Variants in MTHFD1L observed in about 807,000 individuals in gnomAD.
The protein encoded by MTHFD1L is methylenetetrahydrofolate dehydrogenase (NADP+ dependent) 1 like.
Under a neutral mutation model 119.5 loss-of-function variants are expected in MTHFD1L, and 81 were observed. The observed-to-expected ratio is 0.68, with a 90% CI of 0.57 to 0.82. The LOEUF (loss-of-function observed/expected upper bound fraction) is 0.82, where lower values mean the gene tolerates loss of function less well. MTHFD1L is among the 40% of genes least tolerant of loss of function. MTHFD1L has a pLI of 0.00. For missense variants in MTHFD1L, 1,125 were observed against 1,253.4 expected, an observed-to-expected ratio of 0.90 and a Z score of 1.55; for synonymous variants, 430 against 475.2, an observed-to-expected ratio of 0.90 and a Z score of 1.24.
intron 26 of MTHFD1L, among the ~76,000 whole-genome samples, chr6:151,073,643 A>T (rs144307502): frequency 2.4e-4 from 37 of 152,188 alleles, no homozygotes; most frequent in African/African-American, 7.2e-4. Context: ...TATAACAAAG[A>T]TATAAATCAA....
At chr6:151,034,167 A>T (rs1785762204) in intron 24 of MTHFD1L, among the ~76,000 whole-genome samples, 1 of 137,462 alleles carries the variant, frequency 7.3e-6, no homozygotes, top group Non-Finnish European at 1.6e-5. Context: ...ATACTGTCTT[A>T]AAAAAAAAAA....
At position 150,865,875 on chromosome 6, in the gene MTHFD1L, C is replaced by A; in HGVS notation, c.53C>A (p.Pro18His). 1.7e-6 allele frequency: 2 copies of A among 1,204,314 alleles called. No individual in the cohort carries two copies. Among genetic ancestry groups the A allele is most frequent in the Non-Finnish European group, 2.1e-6 (2 of 973,058 alleles). The allele number at this position is 1,204,314 out of a possible 1,614,324, so 74.6% of individuals were successfully genotyped here. ...CGCCAGCTCCGCCGCCCGCCCCAGC[C>A]CCCGGGCCCTCCGCGCCGCCTCCGT... ...VLRQLRRPPQ[P>H]PGPPRRLRVP... Residue 18 changes from proline (P) to histidine (H), a missense_variant, in exon 1 of 28, where the codon CCC (proline) becomes CAC (histidine). By Grantham distance (77) the Pro-to-His change is moderately conservative. Coordinates refer to ENST00000367321, the MANE Select transcript of MTHFD1L (RefSeq NM_015440.5).
intron 26 of MTHFD1L, among the ~76,000 whole-genome samples, chr6:151,078,005 A>G (rs1454799622): frequency 7.7e-6 from 1 of 130,456 alleles, no homozygotes; most frequent in Non-Finnish European, 1.6e-5. Context: ...GTGAGCCAAG[A>G]TCGCGCCACT....
intron 7 of MTHFD1L, among the ~76,000 whole-genome samples, chr6:150,892,244 G>A (rs1175411045): frequency 6.6e-6 from 1 of 152,238 alleles, no homozygotes; most frequent in East Asian, 1.9e-4. Context: ...GCAATTGAAT[G>A]TTTTCGCAGC....
In MTHFD1L at chr6:150,942,260, C is replaced by CAAAT. The variant is rs1020159855; in HGVS notation, c.1441-2210_1441-2207dup. Among the ~76,000 whole-genome samples the CAAAT allele has an allele frequency of 2.0e-5, 3 of 151,870 alleles. No individual in the cohort carries two copies. The South Asian group carries it at 6.2e-4, about 31-fold the overall frequency. Reference sequence around the variant, plus strand: ...GGCAACAAGAGCGAGACTCCGTCTCCAAATAAATAAATAAATAAAAATAAA... The same window carrying CAAAT: ...GGCAACAAGAGCGAGACTCCGTCTCCAAATAAATAAATAAATAAATAAAAATAAA... On this transcript the variant is annotated intron_variant, in intron 13 of 27. Coordinates refer to ENST00000367321, the MANE Select transcript of MTHFD1L (RefSeq NM_015440.5).
chr6:151,004,321 T>C (rs1195088475), intron 20 of MTHFD1L, among the ~76,000 whole-genome samples: 1 of 152,116 alleles, frequency 6.6e-6, no homozygotes, highest in African/African-American at 2.4e-5. Flanking sequence ...TGAGACTCCA[T>C]CTCAAAACAA....
Position 150,941,376 on chromosome 6 carries a change from T to A in MTHFD1L, c.1440+2631T>A, listed in dbSNP as rs148835880. 4.3e-3 allele frequency among the ~76,000 whole-genome samples: 651 copies of A among 152,284 alleles called. 6 individuals are homozygous for A. Among genetic ancestry groups the A allele is most frequent in the African/African-American group, 0.015 (627 of 41,566 alleles). On this transcript the variant is annotated intron_variant, in intron 13 of 27. Coordinates refer to ENST00000367321, the MANE Select transcript of MTHFD1L (RefSeq NM_015440.5). ...TGTAGCCAAGAACCTGGATTTTATTTGAAGTGCCAAGGTCAGCCATTGAAG... is the reference window on the plus strand; with the variant it reads ...TGTAGCCAAGAACCTGGATTTTATTAGAAGTGCCAAGGTCAGCCATTGAAG...
At chr6:151,041,453 G>A (rs1182576375) in intron 26 of MTHFD1L, among the ~76,000 whole-genome samples, 1 of 152,160 alleles carries the variant, frequency 6.6e-6, no homozygotes, top group African/African-American at 2.4e-5. Flanking sequence ...CTAGCAAAAT[G>A]AATCACTCTT....
At chr6:150,934,140 G>T (rs1326173860) in intron 11 of MTHFD1L, among the ~76,000 whole-genome samples, 1 of 152,152 alleles carries the variant, frequency 6.6e-6, no homozygotes, top group Non-Finnish European at 1.5e-5. Flanking sequence ...TTGCCTCCCA[G>T]CTCTACTGCT....
intron 8 of MTHFD1L, chr6:150,912,556 G>A: frequency 3.1e-6 from 1 of 322,916 alleles, no homozygotes; most frequent in Non-Finnish European, 6.7e-6. Flanking sequence ...TGCAGTGATT[G>A]TTCTGGCAAA....
At chr6:150,973,020 AAC>A (rs1232936901) in intron 20 of MTHFD1L, among the ~76,000 whole-genome samples, 1 of 152,204 alleles carries the variant, frequency 6.6e-6, no homozygotes, top group Non-Finnish European at 1.5e-5. Flanking sequence ...ACAAAACCAA[AAC>A]ACAGGCATTC....
In MTHFD1L at chr6:151,074,711, A is replaced by G. The variant is rs80042480; in HGVS notation, c.2848-17756A>G. On this transcript the variant is annotated intron_variant, in intron 26 of 27. Coordinates refer to ENST00000367321, the MANE Select transcript of MTHFD1L (RefSeq NM_015440.5). ...CCCTTTCTATTGTATGTTTGCATGT[A>G]TAAATACTTACCATTCTGTTACAGC... Among the ~76,000 whole-genome samples, 22 of 152,312 alleles carry G rather than the reference A, an allele frequency of 1.4e-4. No homozygotes were observed. In the East Asian group the frequency reaches 4.2e-3, roughly 29 times the overall value.
chr6:150,871,517 T>G (rs1162101652), intron 1 of MTHFD1L, among the ~76,000 whole-genome samples: 1 of 146,024 alleles, frequency 6.8e-6, no homozygotes, highest in Non-Finnish European at 1.5e-5. Context: ...TTTTTTTTTT[T>G]TTGAGATGGA....
At chr6:150,951,253 A>G (rs1278221677) in intron 16 of MTHFD1L, among the ~76,000 whole-genome samples, 1 of 151,534 alleles carries the variant, frequency 6.6e-6, no homozygotes, top group Non-Finnish European at 1.5e-5. Context: ...GCTGGTCTCA[A>G]ACTCCTGAGC....
At chr6:151,092,422 C>T (rs764551687) in intron 26 of MTHFD1L, 45 bp from the exon 27 acceptor site, 1 of 1,500,878 alleles carries the variant, frequency 6.7e-7, no homozygotes, top group East Asian at 2.3e-5. Flanking sequence ...GTTGTGGCCG[C>T]TTTGTAGCAT....
Position 150,874,220 on chromosome 6 carries a change from A to G in MTHFD1L, c.228-1870A>G, listed in dbSNP as rs573691597. Among the ~76,000 whole-genome samples the G allele has an allele frequency of 9.2e-5, 14 of 152,328 alleles. No homozygotes were observed. The East Asian group carries it at 2.7e-3, about 29-fold the overall frequency. ...TATGGTCACATTTATTCAGCACAAT[A>G]ATACAATTAATTCCCTGGGAATGAA... On this transcript the variant is annotated intron_variant, in intron 1 of 27. Transcript: ENST00000367321.
At chr6:150,938,042 G>A (rs973073122) in intron 12 of MTHFD1L, among the ~76,000 whole-genome samples, 2 of 152,186 alleles carry the variant, frequency 1.3e-5, no homozygotes, top group Non-Finnish European at 2.9e-5. Context: ...TTTTGAGACA[G>A]AGTCTCACTT....
At chr6:150,937,343 C>G (rs371328247) in intron 12 of MTHFD1L, among the ~76,000 whole-genome samples, 1 of 152,150 alleles carries the variant, frequency 6.6e-6, no homozygotes, top group African/African-American at 2.4e-5. Context: ...GTGTGGGGCC[C>G]GCAGAGCTCT....
intron 9 of MTHFD1L, among the ~76,000 whole-genome samples, chr6:150,920,565 T>C (rs1788724304): frequency 6.6e-6 from 1 of 152,240 alleles, no homozygotes; most frequent in African/African-American, 2.4e-5. Context: ...ATAATTTATA[T>C]GCATACATAA....
Sources: gnomAD v4.1 joint callset for allele counts (sites outside exome capture counted in the v4.1 genomes callset) on GRCh38, gnomAD v4.1.1 for gene constraint, MANE v1.5 for transcripts, NCBI Gene and HGNC (gene_info 2026-07-23, HGNC 2026-07-21) for gene names.